The following DYNC2H1 variants were observed in gnomAD, a reference collection of about 807,000 sequenced individuals.
The protein encoded by DYNC2H1 is dynein cytoplasmic 2 heavy chain 1, also known as cytoplasmic dynein 2 heavy chain 1.
In DYNC2H1, 410 loss-of-function variants were observed where a neutral mutation model predicts 570.0. That is an observed-to-expected ratio of 0.72 (90% CI 0.66 to 0.78). The LOEUF (loss-of-function observed/expected upper bound fraction) is 0.78, where lower values mean the gene tolerates loss of function less well. Among genes scored for constraint, DYNC2H1 ranks in the 30% least tolerant of loss-of-function variants. DYNC2H1 has a pLI of 0.00. For synonymous variants in DYNC2H1, 1,688 were observed against 1,677.6 expected (o/e 1.01, Z -0.15); for missense variants, 4,865 against 5,046.4 (o/e 0.96, Z 1.09).
chr11:103,407,837 G>C (rs923524036), intron 84 of DYNC2H1: 25 of 151,942 alleles, frequency 1.6e-4, no homozygotes, highest in African/African-American at 6.0e-4. Context: ...ATCAGATTAT[G>C]GCTAGGGGCC....
In DYNC2H1 at chr11:103,177,861, C is replaced by G. The variant is rs1353101602; in HGVS notation, c.6139+41C>G. The G allele has an allele frequency of 1.9e-6, 3 of 1,557,788 alleles. No homozygotes were observed. The African/African-American group carries it at 4.2e-5, about 22-fold the overall frequency. On this transcript the variant is annotated intron_variant, in intron 38 of 88. Transcript: ENST00000375735. The surrounding 1 kb of genome is among the most constrained non-coding windows in gnomAD (Gnocchi z 4.4). ...TACTTCTTTGCTTTACTTAGTAATTCTTAGATAATGATATAATTTGTCTAT... is the reference window on the plus strand; with the variant it reads ...TACTTCTTTGCTTTACTTAGTAATTGTTAGATAATGATATAATTTGTCTAT...
At chr11:103,115,102 C>A in intron 3 of DYNC2H1, 75 bp from the exon 4 acceptor site, 1 of 1,041,368 alleles carries the variant, frequency 9.6e-7, no homozygotes, top group Non-Finnish European at 1.4e-6. Context: ...AAATATTTTG[C>A]TGCTCTGCTG....
intron 83 of DYNC2H1, among the ~76,000 whole-genome samples, chr11:103,362,900 G>A (rs2566904): frequency 0.037 from 5,586 of 151,496 alleles, 216 homozygotes; most frequent in African/African-American, 0.088. Flanking sequence ...GCATGGTGGT[G>A]CACACCTGTA....
chr11:103,225,464 A>G (rs1478011024), intron 59 of DYNC2H1, among the ~76,000 whole-genome samples: 1 of 151,842 alleles, frequency 6.6e-6, no homozygotes, highest in East Asian at 1.9e-4. Flanking sequence ...TCATTCTTCT[A>G]CGTGGGGCTT....
chr11:103,262,432 T>C (rs1865336853), intron 70 of DYNC2H1, among the ~76,000 whole-genome samples: 1 of 151,800 alleles, frequency 6.6e-6, no homozygotes. Context: ...TAGGAAAAAA[T>C]GTTAAGGGCA....
chr11:103,425,036 A>G (rs1413207955), intron 84 of DYNC2H1, among the ~76,000 whole-genome samples: 1 of 152,122 alleles, frequency 6.6e-6, no homozygotes, highest in Non-Finnish European at 1.5e-5. Context: ...CCTGAGCTCA[A>G]TAGATCCTCC....
intron 84 of DYNC2H1, among the ~76,000 whole-genome samples, chr11:103,418,445 TA>T (rs1943364527): frequency 6.6e-6 from 1 of 152,206 alleles, no homozygotes; most frequent in Non-Finnish European, 1.5e-5. Flanking sequence ...CTGAAAACTA[TA>T]AAATGTTGAC....
intron 78 of DYNC2H1, 80 bp downstream of exon 78, chr11:103,307,911 T>A: frequency 1.4e-6 from 1 of 695,664 alleles, no homozygotes; most frequent in Non-Finnish European, 2.3e-6. Context: ...TGTAAACAAC[T>A]ATTATACAGA....
intron 31 of DYNC2H1, among the ~76,000 whole-genome samples, chr11:103,166,596 G>A (rs1861313567): frequency 6.6e-6 from 1 of 151,986 alleles, no homozygotes; most frequent in Non-Finnish European, 1.5e-5. Context: ...TTTTTCACTG[G>A]CTATCCTGGG....
At chr11:103,460,360 T>C (rs72987492) in intron 87 of DYNC2H1, among the ~76,000 whole-genome samples, 10,435 of 151,960 alleles carry the variant, frequency 0.069, 429 homozygotes, top group Non-Finnish European at 0.093. Context: ...ACCAGTTTTA[T>C]TGTGTCAAAA....
intron 78 of DYNC2H1, among the ~76,000 whole-genome samples, chr11:103,310,005 ACTAT>A (rs1218044957): frequency 9.2e-5 from 14 of 152,050 alleles, no homozygotes; most frequent in Non-Finnish European, 1.5e-4. Flanking sequence ...CTTAGCTTAG[ACTAT>A]CTGTGTAGTT....
intron 82 of DYNC2H1, among the ~76,000 whole-genome samples, chr11:103,341,815 A>G (rs1001297377): frequency 7.9e-5 from 12 of 152,210 alleles, no homozygotes; most frequent in African/African-American, 2.9e-4. Context: ...AAACTTAGAT[A>G]CTGAGTTCCT....
chr11:103,141,203 A>G (rs1294731484), intron 17 of DYNC2H1, among the ~76,000 whole-genome samples: 3 of 151,834 alleles, frequency 2.0e-5, no homozygotes, highest in Non-Finnish European at 2.9e-5. Flanking sequence ...TCTTCTCTCA[A>G]CTCGTCAAAG....
At chr11:103,266,200 AGTGG>A (rs1591496443) in intron 70 of DYNC2H1, among the ~76,000 whole-genome samples, 2 of 152,272 alleles carry the variant, frequency 1.3e-5, no homozygotes, top group East Asian at 3.9e-4. Flanking sequence ...TGCCAGCAGC[AGTGG>A]TAGCAGCAGC....
chr11:103,140,878 A>G (rs920887587), intron 17 of DYNC2H1, among the ~76,000 whole-genome samples: 27 of 151,734 alleles, frequency 1.8e-4, no homozygotes, highest in Admixed American at 5.9e-4. Context: ...ACATAGTCCC[A>G]TGTTTCTTGG....
chr11:103,455,170 A>G lies in DYNC2H1; in HGVS notation c.12457-16A>G. On this transcript the variant is annotated splice_polypyrimidine_tract_variant and intron_variant, in intron 85 of 88. Transcript: ENST00000375735. Reference sequence around the variant, plus strand: ...AGTGTGTGTGTATTTATATGTTCATATTTCCCCCCCTCTAGAACTGGGTAG... The same window carrying G: ...AGTGTGTGTGTATTTATATGTTCATGTTTCCCCCCCTCTAGAACTGGGTAG... 6.3e-7 allele frequency: 1 copy of G among 1,592,382 alleles called. No homozygotes were observed.
intron 12 of DYNC2H1, among the ~76,000 whole-genome samples, chr11:103,127,155 A>C (rs1050633035): frequency 2.0e-5 from 3 of 152,102 alleles, no homozygotes; most frequent in Non-Finnish European, 2.9e-5. Flanking sequence ...AAGTACACAG[A>C]GGGTTGGGTG....
Position 103,343,898 on chromosome 11 carries a change from A to T in DYNC2H1, c.12040-14345A>T, listed in dbSNP as rs17100450. Among the ~76,000 whole-genome samples the T allele has an allele frequency of 6.5e-3, 993 of 152,312 alleles. 28 individuals are homozygous for T. The East Asian group carries it at 0.092, about 14-fold the overall frequency. ...TTCATGGCTATAAGAGAAGTGTCATATTATTGCATATCTTATTTAAGACTA... is the reference window on the plus strand; with the variant it reads ...TTCATGGCTATAAGAGAAGTGTCATTTTATTGCATATCTTATTTAAGACTA... On this transcript the variant is annotated intron_variant, in intron 82 of 88. Transcript: ENST00000375735.
intron 55 of DYNC2H1, among the ~76,000 whole-genome samples, chr11:103,217,462 C>G (rs78826948): frequency 6.6e-6 from 1 of 151,952 alleles, no homozygotes; most frequent in South Asian, 2.1e-4. Flanking sequence ...TGATTTTACA[C>G]AAAAATGCCA....
Sources: allele counts gnomAD v4.1 joint callset (sites outside exome capture counted in the v4.1 genomes callset), GRCh38; gene constraint gnomAD v4.1.1; non-coding constraint Gnocchi (gnomAD v3.1); transcripts MANE v1.5; gene names NCBI Gene and HGNC (gene_info 2026-07-23, HGNC 2026-07-21).